CAMTA1: variants seen among roughly 807,000 people sequenced by gnomAD.
The protein encoded by CAMTA1 is calmodulin-binding transcription activator 1.
In CAMTA1, 27 loss-of-function variants were observed where a neutral mutation model predicts 170.9. That is an observed-to-expected ratio of 0.16 (90% CI 0.12 to 0.22). CAMTA1 has a LOEUF of 0.22. CAMTA1 is among the 10% of genes least tolerant of loss of function. CAMTA1 has a pLI of 1.00. For synonymous variants in CAMTA1, 833 were observed against 891.5 expected (o/e 0.93, Z 1.17); for missense variants, 1,619 against 2,217.2 (o/e 0.73, Z 5.42).
chr1:7,585,741 C>A lies in CAMTA1; in HGVS notation c.511-54659C>A, dbSNP rs2095303878. ...ATGCGGGGTGCCCAGTTCATACATC[C>A]TAGAGGGGGGCTCTCTTGTGGACAG... On this transcript the variant is annotated intron_variant, in intron 6 of 22. Coordinates refer to ENST00000303635, the MANE Select transcript of CAMTA1 (RefSeq NM_015215.4). The surrounding 1 kb of genome is among the most constrained non-coding windows in gnomAD (Gnocchi z 4.8). 6.6e-6 allele frequency among the ~76,000 whole-genome samples: 1 copy of A among 152,026 alleles called. No individual in the cohort carries two copies. Among genetic ancestry groups the A allele is most frequent in the Non-Finnish European group, 1.5e-5 (1 of 67,976 alleles).
At chr1:7,233,919 C>G (rs985923331) in intron 4 of CAMTA1, among the ~76,000 whole-genome samples, 2 of 152,162 alleles carry the variant, frequency 1.3e-5, no homozygotes, top group African/African-American at 4.8e-5. Flanking sequence ...CTGGACCCAG[C>G]CTCTCTGTAG....
chr1:6,839,574 A>C (rs1654830567), intron 3 of CAMTA1, among the ~76,000 whole-genome samples: 1 of 152,174 alleles, frequency 6.6e-6, no homozygotes, highest in African/African-American at 2.4e-5. Context: ...AAAGTAAACA[A>C]GTAGGTGAGG....
chr1:6,945,818 T>C (rs1328447293), intron 3 of CAMTA1, among the ~76,000 whole-genome samples: 1 of 152,272 alleles, frequency 6.6e-6, no homozygotes, highest in Non-Finnish European at 1.5e-5. Context: ...ATCCATGTTG[T>C]AGCGTGTATC....
chr1:7,347,507 C>T (rs1210225295), intron 5 of CAMTA1, among the ~76,000 whole-genome samples: 1 of 152,244 alleles, frequency 6.6e-6, no homozygotes, highest in Non-Finnish European at 1.5e-5. Flanking sequence ...GTTCTCCTCG[C>T]TTGCAGGGAG....
chr1:6,986,686 T>A (rs1157865800), intron 3 of CAMTA1, among the ~76,000 whole-genome samples: 1 of 152,060 alleles, frequency 6.6e-6, no homozygotes, highest in Non-Finnish European at 1.5e-5. Flanking sequence ...GGAGGCTTCC[T>A]GGAAAATTCT....
chr1:6,963,978 C>T (rs1572074131), intron 3 of CAMTA1, among the ~76,000 whole-genome samples: 2 of 152,220 alleles, frequency 1.3e-5, no homozygotes, highest in Admixed American at 1.3e-4. Context: ...GGCACAGCGT[C>T]CTGGGTGCCC....
chr1:6,982,932 C>G (rs1694690031), intron 3 of CAMTA1, among the ~76,000 whole-genome samples: 1 of 152,150 alleles, frequency 6.6e-6, no homozygotes, highest in Admixed American at 6.5e-5. Flanking sequence ...TTGTCACTCT[C>G]CCATGAAGGA....
At chr1:6,890,750 T>C (rs1674340042) in intron 3 of CAMTA1, among the ~76,000 whole-genome samples, 1 of 152,108 alleles carries the variant, frequency 6.6e-6, no homozygotes, top group African/African-American at 2.4e-5. Context: ...TCTTAATTTT[T>C]CTGTGGAGTC....
chr1:7,476,794 CCATCCT>C (rs1013612500), intron 6 of CAMTA1, among the ~76,000 whole-genome samples: 3 of 152,164 alleles, frequency 2.0e-5, no homozygotes, highest in African/African-American at 4.8e-5. Context: ...ACAGCAGTGG[CCATCCT>C]CATCCTCATC....
chr1:7,220,343 G>A (rs1358773603), intron 4 of CAMTA1, among the ~76,000 whole-genome samples: 1 of 152,196 alleles, frequency 6.6e-6, no homozygotes, highest in South Asian at 2.1e-4. Context: ...TGTACTTTGG[G>A]CCCAGAGGAA....
At chr1:7,496,322 C>T (rs759978602) in intron 6 of CAMTA1, among the ~76,000 whole-genome samples, 7 of 152,160 alleles carry the variant, frequency 4.6e-5, no homozygotes, top group African/African-American at 1.4e-4. Context: ...CGTGACTTTC[C>T]GGGTATGGGC....
At chr1:7,149,465 A>G (rs138019682) in intron 4 of CAMTA1, among the ~76,000 whole-genome samples, 61 of 152,324 alleles carry the variant, frequency 4.0e-4, no homozygotes, top group African/African-American at 1.5e-3. Context: ...TGCTGTAGGA[A>G]TGCCAGCTTC....
intron 3 of CAMTA1, among the ~76,000 whole-genome samples, chr1:6,923,978 C>G (rs1682569072): frequency 6.6e-6 from 1 of 152,198 alleles, no homozygotes. Context: ...CGCCCAAGAC[C>G]ATTAGGCTGG....
chr1:6,875,714 A>G (rs1005763346), intron 3 of CAMTA1, among the ~76,000 whole-genome samples: 1 of 152,106 alleles, frequency 6.6e-6, no homozygotes, highest in Admixed American at 6.6e-5. Context: ...CTTATTACCA[A>G]TGGCTTCCTT....
chr1:7,486,996 A>C (rs1465728928), intron 6 of CAMTA1, among the ~76,000 whole-genome samples: 1 of 149,842 alleles, frequency 6.7e-6, no homozygotes, highest in Non-Finnish European at 1.5e-5. Flanking sequence ...AGAAATGAGA[A>C]TAGCACCTGA....
At chr1:7,104,043 CACACACAACTACACAGATGT>C (rs1330840584) in intron 4 of CAMTA1, among the ~76,000 whole-genome samples, 4 of 149,894 alleles carry the variant, frequency 2.7e-5, no homozygotes, top group African/African-American at 9.8e-5. Flanking sequence ...ATGCATACAA[CACACACAACTACACAGATGT>C]ACACACTACA....
intron 3 of CAMTA1, among the ~76,000 whole-genome samples, chr1:6,891,839 G>A (rs1323506515): frequency 6.6e-6 from 1 of 152,206 alleles, no homozygotes; most frequent in African/African-American, 2.4e-5. Context: ...GTTTAAGAAA[G>A]TGATGCCACA....
chr1:6,985,060 G>C (rs183678715), intron 3 of CAMTA1, among the ~76,000 whole-genome samples: 40 of 152,330 alleles, frequency 2.6e-4, no homozygotes, highest in African/African-American at 8.9e-4. Context: ...TGCCTGGCCA[G>C]ATGCCTGTTA....
chr1:6,902,263 A>G (rs1441819279), intron 3 of CAMTA1, among the ~76,000 whole-genome samples: 1 of 152,204 alleles, frequency 6.6e-6, no homozygotes, highest in Admixed American at 6.5e-5. Flanking sequence ...ATGCACCTAC[A>G]GAAATTTGTA....
Sources: allele counts gnomAD v4.1 joint callset (sites outside exome capture counted in the v4.1 genomes callset), GRCh38; gene constraint gnomAD v4.1.1; non-coding constraint Gnocchi (gnomAD v3.1); transcripts MANE v1.5; gene names NCBI Gene and HGNC (gene_info 2026-07-23, HGNC 2026-07-21).